The following LINGO1 variants were observed in gnomAD, a reference collection of about 807,000 sequenced individuals.
LINGO1 encodes leucine-rich repeat and immunoglobulin-like domain-containing nogo receptor-interacting protein 1.
LINGO1 carries 11 observed loss-of-function variants against 37.3 expected under a neutral mutation model. That is an observed-to-expected ratio of 0.29 (90% CI 0.19 to 0.49). LINGO1 has a LOEUF of 0.49. Among genes scored for constraint, LINGO1 ranks in the 20% least tolerant of loss-of-function variants. The probability of loss-of-function intolerance (pLI) is 0.99; values close to 1 mark genes in which losing one functional copy is unlikely to be tolerated. For synonymous variants in LINGO1, 387 were observed against 403.0 expected (o/e 0.96, Z 0.48); for missense variants, 585 against 878.2 (o/e 0.67, Z 4.22).
chr15:77,663,476 T>C (rs973315547), intron 3 of LINGO1, among the ~76,000 whole-genome samples: 3 of 152,206 alleles, frequency 2.0e-5, no homozygotes, highest in African/African-American at 7.2e-5. Flanking sequence ...TGGTCCTGTC[T>C]AGGGGACCCG....
At chr15:77,817,029 G>A (rs1034013395) in intron 1 of LINGO1, among the ~76,000 whole-genome samples, 1 of 86,650 alleles carries the variant, frequency 1.2e-5, no homozygotes, top group African/African-American at 2.9e-5. Context: ...TGATCAGCCA[G>A]AGCCAACAAG....
At chr15:77,644,894 T>C (rs999885194) in intron 3 of LINGO1, among the ~76,000 whole-genome samples, 2 of 151,930 alleles carry the variant, frequency 1.3e-5, no homozygotes. Flanking sequence ...GGATAAACAA[T>C]GTGGCTCAGG....
chr15:77,783,337 C>T (rs1339927890), intron 1 of LINGO1, among the ~76,000 whole-genome samples: 3 of 152,120 alleles, frequency 2.0e-5, no homozygotes, highest in African/African-American at 4.8e-5. Flanking sequence ...AAGTGATGAG[C>T]GGGTGAATGA....
chr15:77,717,612 G>T (rs1048408255), intron 2 of LINGO1, among the ~76,000 whole-genome samples: 6 of 150,862 alleles, frequency 4.0e-5, no homozygotes, highest in African/African-American at 1.2e-4. Flanking sequence ...GGAATGGCAA[G>T]GAGAGGCAGA....
At chr15:77,662,834 A>T (rs1233838624) in intron 3 of LINGO1, among the ~76,000 whole-genome samples, 1 of 152,214 alleles carries the variant, frequency 6.6e-6, no homozygotes, top group East Asian at 1.9e-4. Context: ...ATACCAACAG[A>T]TGCACACGAT....
chr15:77,760,287 A>G (rs1433088138), intron 1 of LINGO1, among the ~76,000 whole-genome samples: 1 of 152,168 alleles, frequency 6.6e-6, no homozygotes, highest in African/African-American at 2.4e-5. Flanking sequence ...GGGCCTCTGG[A>G]GTGAGCCCAG....
rs377521757 is a variant in LINGO1 at position 77,615,760 on chromosome 15, G to A, written c.147C>T (p.Ser49=). The change falls in exon 2 of 2, where the codon TCC becomes TCT. Residue 49 remains serine (S), a synonymous_variant. Transcript: ENST00000355300. The part of the protein sequence containing the change: ...ATGCPPRCEC[S]AQDRAVLCHR... ...GGCACAGCACAGCGCGGTCCTGGGC[G>A]GAGCACTCGCAGCGGGGCGGGCAGC... 261 of 1,582,228 alleles carry A rather than the reference G, an allele frequency of 1.6e-4. 1 individual carries two copies. The African/African-American group carries it at 2.2e-3, about 13-fold the overall frequency.
intron 1 of LINGO1, among the ~76,000 whole-genome samples, chr15:77,771,639 A>G (rs2076586669): frequency 6.6e-6 from 1 of 152,228 alleles, no homozygotes; most frequent in African/African-American, 2.4e-5. Flanking sequence ...GTCAGTGCTC[A>G]TGGGCACACC....
intron 1 of LINGO1, among the ~76,000 whole-genome samples, chr15:77,774,124 G>C (rs1400045236): frequency 6.6e-6 from 1 of 152,130 alleles, no homozygotes; most frequent in African/African-American, 2.4e-5. Context: ...GGGAGAATAG[G>C]TGAGCGAGGC....
At chr15:77,638,758 C>T (rs780865949), upstream of LINGO1, among the ~76,000 whole-genome samples, 1 of 152,192 alleles carries the variant, frequency 6.6e-6, no homozygotes, top group Non-Finnish European at 1.5e-5. Flanking sequence ...AGGCAAGTCA[C>T]TTTACCTCTC....
intron 2 of LINGO1, among the ~76,000 whole-genome samples, chr15:77,686,328 C>T (rs188348147): frequency 1.8e-3 from 267 of 152,272 alleles, no homozygotes; most frequent in African/African-American, 6.3e-3. Flanking sequence ...CTGCTCCCGC[C>T]GATGCTCAGG....
chr15:77,816,744 A>G (rs1377863376), intron 1 of LINGO1, among the ~76,000 whole-genome samples: 1 of 152,046 alleles, frequency 6.6e-6, no homozygotes, highest in African/African-American at 2.4e-5. Context: ...CCCCCTCACC[A>G]TGGCTTGGGA....
chr15:77,681,463 A>G (rs913743857), intron 2 of LINGO1, among the ~76,000 whole-genome samples: 1 of 152,010 alleles, frequency 6.6e-6, no homozygotes, highest in African/African-American at 2.4e-5. Flanking sequence ...CTCAGGGAGG[A>G]AGGGGTTGTA....
At chr15:77,638,887 C>G (rs1567478590), upstream of LINGO1, among the ~76,000 whole-genome samples, 1 of 152,138 alleles carries the variant, frequency 6.6e-6, no homozygotes, top group Non-Finnish European at 1.5e-5. Flanking sequence ...ATCAGTGGAC[C>G]CACTTTTAGT....
chr15:77,765,598 G>A (rs2076520065), intron 1 of LINGO1, among the ~76,000 whole-genome samples: 3 of 152,048 alleles, frequency 2.0e-5, no homozygotes, highest in Non-Finnish European at 1.5e-5. Context: ...CTCTGCCCAG[G>A]GAAGACTGGT....
chr15:77,726,814 C>T (rs2076106653), intron 2 of LINGO1, among the ~76,000 whole-genome samples: 1 of 152,202 alleles, frequency 6.6e-6, no homozygotes, highest in Non-Finnish European at 1.5e-5. Context: ...AAGCAACCTA[C>T]AGAATGGGAG....
intron 1 of LINGO1, among the ~76,000 whole-genome samples, chr15:77,815,346 A>C (rs2077039116): frequency 7.1e-6 from 1 of 140,348 alleles, no homozygotes; most frequent in African/African-American, 2.7e-5. Flanking sequence ...CCAAGACTGC[A>C]GTGCCCACTC....
intron 3 of LINGO1, among the ~76,000 whole-genome samples, chr15:77,655,027 G>A (rs1465426822): frequency 6.6e-6 from 1 of 152,140 alleles, no homozygotes; most frequent in African/African-American, 2.4e-5. Flanking sequence ...CATCTCATGG[G>A]TTCCCACTCA....
At chr15:77,804,297 C>G (rs2076941637) in intron 1 of LINGO1, among the ~76,000 whole-genome samples, 1 of 152,234 alleles carries the variant, frequency 6.6e-6, no homozygotes, top group South Asian at 2.1e-4. Context: ...CAAAGGAATG[C>G]AGACTCGCAC....
Sources: allele counts gnomAD v4.1 joint callset (sites outside exome capture counted in the v4.1 genomes callset), GRCh38; gene constraint gnomAD v4.1.1; transcripts MANE v1.5; gene names NCBI Gene and HGNC (gene_info 2026-07-23, HGNC 2026-07-21).